The following KCTD13 variants were observed in gnomAD, a reference collection of about 807,000 sequenced individuals.
KCTD13 encodes the protein BTB/POZ domain-containing adapter for CUL3-mediated RhoA degradation protein 1.
A neutral mutation model predicts 32.3 loss-of-function variants in KCTD13; 15 were observed. The observed-to-expected ratio is 0.46, with a 90% confidence interval of 0.31 to 0.71. The LOEUF is 0.71. Among genes scored for constraint, KCTD13 ranks in the 30% least tolerant of loss-of-function variants. The pLI, the probability that KCTD13 is intolerant of heterozygous loss-of-function variation, is 0.05. For synonymous variants in KCTD13, 189 were observed against 200.1 expected (o/e 0.94, Z 0.47); for missense variants, 337 against 452.6 (o/e 0.74, Z 2.32).
Position 29,906,961 on chromosome 16 carries a change from G to C in KCTD13, c.901C>G (p.Arg301Gly). 1 of 1,614,150 alleles carries C rather than the reference G, an allele frequency of 6.2e-7. No homozygotes were observed. The highest frequency in any genetic ancestry group is 8.5e-7 in the Non-Finnish European group (1 of 1,180,040). The change falls in exon 6 of 6, where the codon CGA becomes GGA. Residue 301 changes from arginine (R) to glycine (G), a missense_variant. Arg to Gly is a moderately radical substitution (Grantham distance 125). Coordinates refer to ENST00000568000, the MANE Select transcript of KCTD13 (RefSeq NM_178863.5). ...GAGRGEDEEN[R>G]EHRVRRIHVR... ...TGGATCCTGCGGACACGGTGCTCTC[G>C]GTTCTCTTCATCCTCCCCGCGGCCA...
chr16:29,916,879 A>T (rs2068819152), intron 2 of KCTD13, among the ~76,000 whole-genome samples: 1 of 152,138 alleles, frequency 6.6e-6, no homozygotes, highest in Admixed American at 6.6e-5. Context: ...TGGTTCTGAG[A>T]CAGGTCACCA....
chr16:29,920,924 A>G (rs1338678570), intron 2 of KCTD13: 3 of 152,186 alleles, frequency 2.0e-5, no homozygotes, highest in South Asian at 2.1e-4. Flanking sequence ...ATCAGAAGGG[A>G]GCATGTACCA....
intron 1 of KCTD13, chr16:29,925,452 A>T: frequency 2.8e-6 from 1 of 362,244 alleles, no homozygotes; most frequent in Non-Finnish European, 5.2e-6. Flanking sequence ...TGCAGGCAGC[A>T]GGGCTAGTTC....
intron 5 of KCTD13, among the ~76,000 whole-genome samples, chr16:29,907,352 T>TAC (rs2068631419): frequency 6.6e-6 from 1 of 152,356 alleles, no homozygotes; most frequent in Non-Finnish European, 1.5e-5. Context: ...CCTCTTGGTA[T>TAC]ATTTTTTCAT....
At chr16:29,922,939 C>T in intron 2 of KCTD13, 1 of 487,738 alleles carries the variant, frequency 2.1e-6, no homozygotes, top group Non-Finnish European at 3.6e-6. Context: ...AACAGCTGGA[C>T]TGGCTGCATA....
intron 5 of KCTD13, among the ~76,000 whole-genome samples, chr16:29,908,301 A>G (rs2068647948): frequency 6.6e-6 from 1 of 152,220 alleles, no homozygotes; most frequent in African/African-American, 2.4e-5. Flanking sequence ...ATGAAGTCGA[A>G]GAGGTGACTG....
chr16:29,921,197 A>G (rs1262526947), intron 2 of KCTD13: 1 of 152,230 alleles, frequency 6.6e-6, no homozygotes, highest in Non-Finnish European at 1.5e-5. Context: ...ACATATGCAG[A>G]ACAATGCTTT....
intron 5 of KCTD13, among the ~76,000 whole-genome samples, chr16:29,909,249 G>C (rs538885528): frequency 2.0e-4 from 31 of 152,256 alleles, no homozygotes; most frequent in Admixed American, 5.9e-4. Flanking sequence ...GACCAACTTT[G>C]GGGTTGCTGG....
At chr16:29,907,519 A>T (rs1160718216) in intron 5 of KCTD13, among the ~76,000 whole-genome samples, 1 of 152,064 alleles carries the variant, frequency 6.6e-6, no homozygotes, top group East Asian at 1.9e-4. Flanking sequence ...TGGCGCAGTG[A>T]CTCAGGCCTG....
chr16:29,920,624 C>T (rs1248133805), intron 2 of KCTD13: 1 of 152,114 alleles, frequency 6.6e-6, no homozygotes, highest in Non-Finnish European at 1.5e-5. Context: ...AACAAAAAAA[C>T]ACTAGTGAGT....
chr16:29,926,107 C>T lies in KCTD13; in HGVS notation c.-74G>A. 7.0e-7 allele frequency: 1 copy of T among 1,421,704 alleles called. No homozygotes were observed. The highest frequency in any genetic ancestry group is 1.5e-5 in the South Asian group (1 of 66,480). The allele number at this position is 1,421,704 out of a possible 1,614,324, so 88.1% of individuals were successfully genotyped here. ...CGGCCTGCTCCCGAAGACCCTCGGC[C>T]GGCCCCCAGCCCTTGGGCCAGACCG... On this transcript the variant is annotated 5_prime_UTR_variant, in exon 1 of 6. Transcript: ENST00000568000.
At chr16:29,924,184 G>C (rs11644809) in intron 1 of KCTD13, among the ~76,000 whole-genome samples, 1 of 138,000 alleles carries the variant, frequency 7.2e-6, no homozygotes, top group Non-Finnish European at 1.6e-5. Flanking sequence ...CAAAAAAAAA[G>C]AAAAGAAAAG....
rs562121477 is a variant in KCTD13, at chr16:29,920,848, C to G, written c.414+2342G>C. 3 of 152,204 alleles carry G rather than the reference C, an allele frequency of 2.0e-5. No homozygotes were observed. The East Asian group carries it at 5.8e-4, about 29-fold the overall frequency. 9.4% of individuals were successfully genotyped at this position (152,204 alleles called of 1,614,324 possible). On this transcript the variant is annotated intron_variant, in intron 2 of 5. Transcript: ENST00000568000. The stretch of plus-strand genomic sequence containing the variant: ...AATTAGATGATATTTACTAAAACGC[C>G]GTTTGCAGGTGTCCTGTTATCCAGC...
chr16:29,925,126 C>A (rs755194284), intron 1 of KCTD13, among the ~76,000 whole-genome samples: 8 of 152,194 alleles, frequency 5.3e-5, no homozygotes, highest in Non-Finnish European at 5.9e-5. Flanking sequence ...CACTCCCAAA[C>A]TCCAAAACTT....
At chr16:29,919,202 G>A (rs989153584) in intron 2 of KCTD13, among the ~76,000 whole-genome samples, 28 of 152,198 alleles carry the variant, frequency 1.8e-4, no homozygotes, top group Non-Finnish European at 1.3e-4. Context: ...GTTGGAAAGC[G>A]GGTCATTGTG....
At chr16:29,923,381 G>C in intron 1 of KCTD13, 22 bp from the exon 2 acceptor site, 1 of 1,607,384 alleles carries the variant, frequency 6.2e-7, no homozygotes, top group East Asian at 2.2e-5. Context: ...GGGAGAGGCA[G>C]GGGGAAAGAT....
In KCTD13 at chr16:29,906,769, C is replaced by T; in HGVS notation, c.*103G>A. ...ATGCAATGAAGGGACAGAGGAGGAC[C>T]CACGACTTGGCCAGCAGAGCCGGGG... On this transcript the variant is annotated 3_prime_UTR_variant, in exon 6 of 6. Transcript: ENST00000568000. The T allele has an allele frequency of 1.0e-6, 1 of 977,746 alleles. No individual in the cohort carries two copies. Among genetic ancestry groups the T allele is most frequent in the Non-Finnish European group, 1.6e-6 (1 of 642,742 alleles). 60.6% of individuals were successfully genotyped at this position (977,746 alleles called of 1,614,324 possible).
chr16:29,908,466 C>A (rs1485516208), intron 5 of KCTD13, among the ~76,000 whole-genome samples: 3 of 152,080 alleles, frequency 2.0e-5, no homozygotes, highest in Non-Finnish European at 2.9e-5. Flanking sequence ...CTCACTGCAA[C>A]CTCCACTTCC....
chr16:29,912,346 C>G (rs2150836051), intron 2 of KCTD13: 1 of 493,000 alleles, frequency 2.0e-6, no homozygotes, highest in Middle Eastern at 5.3e-4. Flanking sequence ...TCATGCCATT[C>G]AGATCGCAGG....
Sources: gnomAD v4.1 joint callset for allele counts (sites outside exome capture counted in the v4.1 genomes callset) on GRCh38, gnomAD v4.1.1 for gene constraint, MANE v1.5 for transcripts, NCBI Gene and HGNC (gene_info 2026-07-23, HGNC 2026-07-21) for gene names.